The following ACVR2B variants were observed in gnomAD, a reference collection of about 807,000 sequenced individuals.
The protein encoded by ACVR2B is activin receptor type-2B.
A neutral mutation model predicts 65.1 loss-of-function variants in ACVR2B; 18 were observed. That is an observed-to-expected ratio of 0.28 (90% CI 0.19 to 0.41). The LOEUF is 0.41. Among genes scored for constraint, ACVR2B ranks in the 10% least tolerant of loss-of-function variants. The pLI is 1.00. For synonymous variants in ACVR2B, 298 were observed against 277.7 expected, an observed-to-expected ratio of 1.07 and a Z score of -0.73; for missense variants, 482 against 682.7, an observed-to-expected ratio of 0.71 and a Z score of 3.28.
rs1305991363 is a variant in ACVR2B at position 38,488,961 on chromosome 3, T to C, written c.*5629T>C. On this transcript the variant is annotated 3_prime_UTR_variant, in exon 11 of 11. Coordinates refer to ENST00000352511, the MANE Select transcript of ACVR2B (RefSeq NM_001106.4). ...GTGTATGGAAGGGGTTATATAAACCTGGGCTATGCTGGACATCTACAGAAG... is the reference window on the plus strand; with the variant it reads ...GTGTATGGAAGGGGTTATATAAACCCGGGCTATGCTGGACATCTACAGAAG... 1 of 152,212 alleles carries C rather than the reference T, an allele frequency of 6.6e-6. No homozygotes were observed. Among genetic ancestry groups the C allele is most frequent in the African/African-American group, 2.4e-5 (1 of 41,460 alleles). 9.4% of individuals were successfully genotyped at this position (152,212 alleles called of 1,614,324 possible).
intron 1 of ACVR2B, among the ~76,000 whole-genome samples, chr3:38,455,570 T>G (rs1559643632): frequency 6.6e-6 from 1 of 152,214 alleles, no homozygotes; most frequent in South Asian, 2.1e-4. Context: ...TACCTTCTCC[T>G]GTGCGTCGTC....
At chr3:38,475,536 C>A (rs1476665681) in intron 1 of ACVR2B, 1 of 152,266 alleles carries the variant, frequency 6.6e-6, no homozygotes, top group Non-Finnish European at 1.5e-5. Context: ...CTGGAAGAAG[C>A]ATCCTGTCAC....
intron 1 of ACVR2B, chr3:38,454,810 C>CT (rs1412855527): frequency 6.4e-6 from 1 of 155,674 alleles, no homozygotes; most frequent in East Asian, 1.8e-4. Flanking sequence ...CTCAGAGTCA[C>CT]TAAGTGTAGC....
At position 38,487,728 on chromosome 3, in the gene ACVR2B, C is replaced by T. The variant is rs1056624020; in HGVS notation, c.*4396C>T. ...AAGTTTCCAGCATCTATTGGTAACACAAAGATTTGCTGGTTTTTAAAATAA... is the reference window on the plus strand; with the variant it reads ...AAGTTTCCAGCATCTATTGGTAACATAAAGATTTGCTGGTTTTTAAAATAA... On this transcript the variant is annotated 3_prime_UTR_variant, in exon 11 of 11. Transcript: ENST00000352511. 1 of 152,090 alleles carries T rather than the reference C, an allele frequency of 6.6e-6. No homozygotes were observed. The highest frequency in any genetic ancestry group is 6.5e-5 in the Admixed American group (1 of 15,268). The allele number at this position is 152,090 out of a possible 1,614,324, so 9.4% of individuals were successfully genotyped here.
At chr3:38,454,493 C>T in intron 1 of ACVR2B, 119 bp downstream of exon 1, 1 of 912,536 alleles carries the variant, frequency 1.1e-6, no homozygotes, top group Non-Finnish European at 1.4e-6. Context: ...CACCTGTATT[C>T]AGCCCTCACC....
At chr3:38,454,998 C>T (rs1709520883) in intron 1 of ACVR2B, among the ~76,000 whole-genome samples, 1 of 151,492 alleles carries the variant, frequency 6.6e-6, no homozygotes, top group African/African-American at 2.4e-5. Context: ...TGTTTGGGCA[C>T]TTGGGAGGGG....
At position 38,477,747 on chromosome 3, in the gene ACVR2B, C is replaced by G; in HGVS notation, c.261-114C>G. On this transcript the variant is annotated intron_variant, in intron 2 of 10. Transcript: ENST00000352511. The surrounding 1 kb of genome is among the most constrained non-coding windows in gnomAD (Gnocchi z 6.7). ...TGTAGGGGAGGTGAGTTCACACCGT[C>G]CCCCTGGTGTTGCCCATGAGGTGCT... The G allele has an allele frequency of 8.5e-7, 1 of 1,181,370 alleles. No homozygotes were observed. The highest frequency in any genetic ancestry group is 2.3e-5 in the East Asian group (1 of 42,936). The allele number at this position is 1,181,370 out of a possible 1,614,324, so 73.2% of individuals were successfully genotyped here.
intron 8 of ACVR2B, 93 bp from the exon 9 acceptor site, chr3:38,482,105 G>T: frequency 3.2e-6 from 5 of 1,572,648 alleles, no homozygotes; most frequent in South Asian, 1.1e-5. Context: ...TGTCTTGCCC[G>T]CCATCTGGTG....
chr3:38,470,977 A>G (rs544157745), intron 1 of ACVR2B, among the ~76,000 whole-genome samples: 1 of 152,382 alleles, frequency 6.6e-6, no homozygotes, highest in East Asian at 1.9e-4. Context: ...AAATGTAATG[A>G]GACCGAACTC....
intron 1 of ACVR2B, among the ~76,000 whole-genome samples, chr3:38,463,147 A>T (rs888411214): frequency 8.5e-5 from 13 of 152,150 alleles, no homozygotes; most frequent in African/African-American, 2.9e-4. Flanking sequence ...TACTGTGCTG[A>T]TGAGGGAGGT....
At chr3:38,461,648 G>T (rs1388398205) in intron 1 of ACVR2B, among the ~76,000 whole-genome samples, 2 of 152,012 alleles carry the variant, frequency 1.3e-5, no homozygotes. Flanking sequence ...CCACCCTGGG[G>T]TATAGTTGGG....
Position 38,454,393 on chromosome 3 carries a change from G to A in ACVR2B, c.52+19G>A. 8.0e-7 allele frequency: 1 copy of A among 1,248,476 alleles called. No homozygotes were observed. Among genetic ancestry groups the A allele is most frequent in the Non-Finnish European group, 1.0e-6 (1 of 996,596 alleles). 77.3% of individuals were successfully genotyped at this position (1,248,476 alleles called of 1,614,324 possible). A position where few individuals can be genotyped will look rare whatever the true frequency, so the allele number is the denominator to read the frequency against. On this transcript the variant is annotated intron_variant, in intron 1 of 10. Transcript: ENST00000352511. ...TGCGCCGGTAAGAACTGGGCGCGGC[G>A]CGGGGACGCCGAGAGGGCGCGCGGG...
At position 38,481,259 on chromosome 3, in the gene ACVR2B, TGACTCTAGGGCACA is replaced by T. The variant is rs2125725116; in HGVS notation, c.960-83_960-70del. ...GGGTGGGATGGCCTGGTCTGGGGCC[TGACTCTAGGGCACA>T]GACTCTAGTATCTTGGGAACCAAGG... On this transcript the variant is annotated intron_variant, in intron 7 of 10. Transcript: ENST00000352511. This position sits in a 1 kb window ranked among gnomAD's most constrained non-coding sequence, Gnocchi z 4.7. 8.9e-7 allele frequency: 1 copy of T among 1,128,862 alleles called. No individual in the cohort carries two copies. Among genetic ancestry groups the T allele is most frequent in the South Asian group, 1.2e-5 (1 of 80,816 alleles). 69.9% of individuals were successfully genotyped at this position (1,128,862 alleles called of 1,614,324 possible).
At chr3:38,458,049 G>C (rs1709580097) in intron 1 of ACVR2B, among the ~76,000 whole-genome samples, 1 of 152,216 alleles carries the variant, frequency 6.6e-6, no homozygotes, top group African/African-American at 2.4e-5. Context: ...TTTCAAGGCA[G>C]ATGATGTGAG....
At chr3:38,459,089 C>G (rs887417699) in intron 1 of ACVR2B, among the ~76,000 whole-genome samples, 1 of 152,170 alleles carries the variant, frequency 6.6e-6, no homozygotes, top group African/African-American at 2.4e-5. Context: ...AATGTTCTCA[C>G]GCTTTCAAAG....
chr3:38,459,682 C>A, intron 1 of ACVR2B: 2 of 985,200 alleles, frequency 2.0e-6, no homozygotes, highest in Non-Finnish European at 2.4e-6. Flanking sequence ...GGCAGCCTCT[C>A]CCCAAAGGTA....
chr3:38,479,105 C>T (rs893771246), intron 5 of ACVR2B, 23 bp from the exon 6 acceptor site: 5 of 1,613,786 alleles, frequency 3.1e-6, no homozygotes, highest in Non-Finnish European at 4.2e-6. Context: ...CTTGTCCCCC[C>T]AACCCCTCGC....
intron 1 of ACVR2B, among the ~76,000 whole-genome samples, chr3:38,459,222 C>T (rs1013486999): frequency 6.6e-6 from 1 of 152,230 alleles, no homozygotes; most frequent in African/African-American, 2.4e-5. Flanking sequence ...TTAGTGAAAT[C>T]TGCTCAGCAC....
chr3:38,480,337 C>T (rs528761093), intron 7 of ACVR2B, among the ~76,000 whole-genome samples: 2 of 152,302 alleles, frequency 1.3e-5, no homozygotes, highest in South Asian at 4.1e-4. Flanking sequence ...TAGAGATCTT[C>T]TGGGGTCCTC....
Sources: gnomAD v4.1 joint callset for allele counts (sites outside exome capture counted in the v4.1 genomes callset) on GRCh38, gnomAD v4.1.1 for gene constraint, Gnocchi (gnomAD v3.1) non-coding constraint, MANE v1.5 for transcripts, NCBI Gene and HGNC (gene_info 2026-07-23, HGNC 2026-07-21) for gene names.